Variants in PDE8B observed in about 807,000 individuals in gnomAD.
PDE8B encodes the protein high affinity cAMP-specific and IBMX-insensitive 3',5'-cyclic phosphodiesterase 8B.
In PDE8B, 26 loss-of-function variants were observed where a neutral mutation model predicts 101.3. The ratio of observed to expected loss-of-function variants is 0.26; its 90% CI spans 0.19 to 0.36. The LOEUF (loss-of-function observed/expected upper bound fraction) is 0.36, where lower values mean the gene tolerates loss of function less well. Ranked by LOEUF, PDE8B falls within the 10% of genes least tolerant of loss-of-function variation. PDE8B has a pLI of 1.00. For synonymous variants in PDE8B, 424 were observed against 429.3 expected (o/e 0.99, Z 0.15); for missense variants, 810 against 1,163.1 (o/e 0.70, Z 4.42).
At chr5:77,213,450 T>C (rs1387296965) in intron 1 of PDE8B, among the ~76,000 whole-genome samples, 1 of 152,268 alleles carries the variant, frequency 6.6e-6, no homozygotes, top group East Asian at 1.9e-4. Context: ...AGTATCCTTT[T>C]AGGCCTGTGA....
intron 10 of PDE8B, among the ~76,000 whole-genome samples, chr5:77,366,313 G>C (rs1427568797): frequency 6.6e-6 from 1 of 152,164 alleles, no homozygotes; most frequent in East Asian, 1.9e-4. Flanking sequence ...TTCTCTGCCT[G>C]TCACTACTGG....
At chr5:77,228,773 G>C (rs973083595) in intron 1 of PDE8B, among the ~76,000 whole-genome samples, 1 of 152,188 alleles carries the variant, frequency 6.6e-6, no homozygotes, top group Non-Finnish European at 1.5e-5. Flanking sequence ...GGTGATCACA[G>C]GGAGGATTTT....
At chr5:77,288,927 A>G (rs554705888) in intron 1 of PDE8B, among the ~76,000 whole-genome samples, 3 of 151,850 alleles carry the variant, frequency 2.0e-5, no homozygotes, top group Admixed American at 2.0e-4. Flanking sequence ...CAGTGGTCCA[A>G]GAAGATTCTT....
At chr5:77,278,229 T>A (rs1764221575) in intron 1 of PDE8B, among the ~76,000 whole-genome samples, 1 of 152,218 alleles carries the variant, frequency 6.6e-6, no homozygotes, top group Non-Finnish European at 1.5e-5. Flanking sequence ...GTCTTGCAGT[T>A]CCATGCTCCT....
intron 1 of PDE8B, among the ~76,000 whole-genome samples, chr5:77,224,464 C>T (rs1470537590): frequency 6.6e-6 from 1 of 152,110 alleles, no homozygotes; most frequent in Admixed American, 6.6e-5. Context: ...TTTATTTATA[C>T]CTCCTACTTT....
chr5:77,296,914 T>G (rs1009020356), intron 1 of PDE8B, among the ~76,000 whole-genome samples: 6 of 152,180 alleles, frequency 3.9e-5, no homozygotes, highest in African/African-American at 1.4e-4. Context: ...GTCTTTGGTC[T>G]TCTGCTGTGA....
chr5:77,276,729 T>C (rs1443305184), intron 1 of PDE8B, among the ~76,000 whole-genome samples: 1 of 152,114 alleles, frequency 6.6e-6, no homozygotes, highest in African/African-American at 2.4e-5. Context: ...TAAAAGTAAA[T>C]ATTGGCTATA....
intron 1 of PDE8B, among the ~76,000 whole-genome samples, chr5:77,299,343 A>G (rs1272761121): frequency 2.0e-5 from 3 of 151,658 alleles, no homozygotes; most frequent in Non-Finnish European, 4.4e-5. Context: ...ACATACGTAT[A>G]CATGTGCCAT....
At chr5:77,092,472 A>G in the PDE8B span, 1 of 152,206 alleles carries the variant, frequency 6.6e-6, no homozygotes, top group African/African-American at 2.4e-5. Flanking sequence ...CCATAAATAA[A>G]TAACATTTAA....
the PDE8B span, among the ~76,000 whole-genome samples, chr5:77,131,779 C>CT: frequency 1.3e-5 from 2 of 151,956 alleles, no homozygotes; most frequent in African/African-American, 2.4e-5. Flanking sequence ...TAACAAAAGG[C>CT]TTTTTTTGGG....
At position 77,354,772 on chromosome 5, in the gene PDE8B, A is replaced by G. The variant is rs568252358; in HGVS notation, c.1167+1366A>G. Among the ~76,000 whole-genome samples, 23 of 152,062 alleles carry G rather than the reference A, an allele frequency of 1.5e-4. 1 individual carries two copies. Among genetic ancestry groups the G allele is most frequent in the Admixed American group, 1.2e-3 (19 of 15,282 alleles). On this transcript the variant is annotated intron_variant, in intron 10 of 21. Coordinates refer to ENST00000264917, the MANE Select transcript of PDE8B (RefSeq NM_003719.5). ...GCTCCTCTTCCTTACCTTCTTTCTC[A>G]CTTAATGACAGGGACCCCTACTCTC...
chr5:77,088,997 C>T, the PDE8B span, among the ~76,000 whole-genome samples: 7 of 152,178 alleles, frequency 4.6e-5, no homozygotes, highest in African/African-American at 1.2e-4. Context: ...ATAATACAAT[C>T]CACCATTCCA....
At chr5:77,291,030 G>A in intron 1 of PDE8B, 1 of 1,611,956 alleles carries the variant, frequency 6.2e-7, no homozygotes, top group South Asian at 1.1e-5. Context: ...AAAACAGATG[G>A]CCCTGATGGT....
intron 10 of PDE8B, among the ~76,000 whole-genome samples, chr5:77,364,829 A>T (rs1783824851): frequency 6.6e-6 from 1 of 152,146 alleles, no homozygotes; most frequent in South Asian, 2.1e-4. Flanking sequence ...ACAACCCTGA[A>T]CTATGGCACG....
At chr5:77,348,667 T>C (rs539122856) in intron 7 of PDE8B, among the ~76,000 whole-genome samples, 2 of 152,294 alleles carry the variant, frequency 1.3e-5, no homozygotes, top group East Asian at 3.9e-4. Context: ...CACTGTTGAA[T>C]GGAGTTCTTA....
the PDE8B span, among the ~76,000 whole-genome samples, chr5:77,097,197 T>C: frequency 6.6e-6 from 1 of 152,144 alleles, no homozygotes; most frequent in Non-Finnish European, 1.5e-5. Flanking sequence ...AAGAAAAGCC[T>C]GTCCCCTAAA....
chr5:77,413,808 T>A (rs1188545586), intron 17 of PDE8B, among the ~76,000 whole-genome samples: 1 of 152,186 alleles, frequency 6.6e-6, no homozygotes, highest in Admixed American at 6.5e-5. Flanking sequence ...TTTTGCATAA[T>A]TCTGAAAGAG....
At chr5:77,092,899 G>C in the PDE8B span, among the ~76,000 whole-genome samples, 1 of 152,264 alleles carries the variant, frequency 6.6e-6, no homozygotes, top group Admixed American at 6.5e-5. Flanking sequence ...ACTCCAGCCT[G>C]GGTGATGGAG....
At chr5:77,113,488 C>G in the PDE8B span, 1 of 152,224 alleles carries the variant, frequency 6.6e-6, no homozygotes, top group African/African-American at 2.4e-5. Flanking sequence ...TGGATCCCTT[C>G]CTTACACTGT....
Sources: gnomAD v4.1 joint callset for allele counts (sites outside exome capture counted in the v4.1 genomes callset) on GRCh38, gnomAD v4.1.1 for gene constraint, MANE v1.5 for transcripts, NCBI Gene and HGNC (gene_info 2026-07-23, HGNC 2026-07-21) for gene names.